Variants in XIRP2 observed in about 807,000 individuals in gnomAD.
XIRP2 encodes the protein xin actin binding repeat containing 2.
In XIRP2, 236 loss-of-function variants were observed where a neutral mutation model predicts 277.0. The ratio of observed to expected loss-of-function variants is 0.85; its 90% CI spans 0.77 to 0.95. The LOEUF (loss-of-function observed/expected upper bound fraction) is 0.95. Among genes scored for constraint, XIRP2 ranks in the 40% least tolerant of loss-of-function variants. The pLI is 0.00. For missense variants in XIRP2, 4,640 were observed against 4,157.5 expected, an observed-to-expected ratio of 1.12 and a Z score of -3.19; for synonymous variants, 1,490 against 1,416.5, an observed-to-expected ratio of 1.05 and a Z score of -1.17.
At chr2:167,010,364 A>C (rs1687635254) in intron 2 of XIRP2, among the ~76,000 whole-genome samples, 1 of 151,726 alleles carries the variant, frequency 6.6e-6, no homozygotes, top group Non-Finnish European at 1.5e-5. Context: ...AGGTTTGTCA[A>C]AGATCAGATA....
intron 2 of XIRP2, among the ~76,000 whole-genome samples, chr2:167,071,700 A>G (rs918255957): frequency 6.6e-6 from 1 of 152,202 alleles, no homozygotes; most frequent in Admixed American, 6.5e-5. Flanking sequence ...AAACCAAAAC[A>G]TGAGAACTAT....
rs967437448 is a variant in XIRP2, at chr2:167,258,575, A to G, written c.*758A>G. On this transcript the variant is annotated 3_prime_UTR_variant, in exon 11 of 11. Transcript: ENST00000409195. The stretch of plus-strand genomic sequence containing the variant: ...TGCTGAAAAGGAGAAAAATGAAAAA[A>G]CTAACCAAACTAATGGTGCAGAAGT... 17 of 1,613,084 alleles carry G rather than the reference A, an allele frequency of 1.1e-5. No homozygotes were observed. The highest frequency in any genetic ancestry group is 1.4e-5 in the Non-Finnish European group (16 of 1,179,534).
chr2:166,995,984 C>T (rs763710593), intron 2 of XIRP2, among the ~76,000 whole-genome samples: 2 of 152,182 alleles, frequency 1.3e-5, no homozygotes, highest in African/African-American at 2.4e-5. Flanking sequence ...GACAGCTCCT[C>T]TCCTCTTTTT....
intron 2 of XIRP2, among the ~76,000 whole-genome samples, chr2:166,999,835 G>T (rs1217741508): frequency 1.3e-5 from 2 of 152,022 alleles, no homozygotes; most frequent in Non-Finnish European, 2.9e-5. Context: ...GTGTAATTTT[G>T]TATAGAAAGG....
In XIRP2 at chr2:167,247,895, T is replaced by C; in HGVS notation, c.6503T>C (p.Val2168Ala). ...SSKPSPTQHPVSMPVGGTYDL... is the reference protein window; with the variant it reads ...SSKPSPTQHPASMPVGGTYDL... ...AAGCCCAGTCCCACCCAGCATCCAG[T>C]CAGCATGCCAGTTGGAGGAACTTAC... The change falls in exon 9 of 11, where the codon GTC (valine) becomes GCC (alanine). Residue 2168 changes from valine to alanine, a missense_variant. Coordinates refer to ENST00000409195, the MANE Select transcript of XIRP2 (RefSeq NM_152381.6). 1 of 1,613,446 alleles carries C rather than the reference T, an allele frequency of 6.2e-7. No homozygotes were observed. The highest frequency in any genetic ancestry group is 8.5e-7 in the Non-Finnish European group (1 of 1,179,744).
At chr2:167,019,075 T>A (rs907418155) in intron 2 of XIRP2, among the ~76,000 whole-genome samples, 5 of 151,956 alleles carry the variant, frequency 3.3e-5, no homozygotes, top group African/African-American at 1.2e-4. Context: ...TCTAGTTAGG[T>A]TAGATGCTGA....
intron 3 of XIRP2, among the ~76,000 whole-genome samples, chr2:167,202,555 A>T (rs894435588): frequency 4.6e-5 from 7 of 152,218 alleles, no homozygotes; most frequent in African/African-American, 1.7e-4. Context: ...TTTTTGGGAC[A>T]TAAAGAGTAA....
chr2:167,025,637 A>G (rs1018361725), intron 2 of XIRP2, among the ~76,000 whole-genome samples: 15 of 151,918 alleles, frequency 9.9e-5, no homozygotes, highest in African/African-American at 3.4e-4. Context: ...TGTGTCCCAG[A>G]GATTCTGGTA....
intron 3 of XIRP2, among the ~76,000 whole-genome samples, chr2:167,152,507 T>C (rs532703116): frequency 1.3e-5 from 2 of 152,246 alleles, no homozygotes; most frequent in South Asian, 4.2e-4. Context: ...AATCCACTTG[T>C]ATGCTTTACT....
At chr2:167,020,254 C>A (rs1374717999) in intron 2 of XIRP2, among the ~76,000 whole-genome samples, 1 of 151,726 alleles carries the variant, frequency 6.6e-6, no homozygotes, top group Non-Finnish European at 1.5e-5. Flanking sequence ...ATCTTTCAGG[C>A]CAAAGTTTAT....
chr2:166,908,423 G>A (rs149254568), intron 2 of XIRP2, among the ~76,000 whole-genome samples: 5,380 of 152,266 alleles, frequency 0.035, 148 homozygotes, highest in Non-Finnish European at 0.056. Flanking sequence ...CTTTTGAGAA[G>A]TGCCTGTTCA....
In XIRP2 at chr2:167,160,065, A is replaced by G. The variant is rs186346928; in HGVS notation, c.562+24003A>G. Among the ~76,000 whole-genome samples the G allele has an allele frequency of 2.0e-3, 310 of 152,284 alleles. 1 individual carries two copies. The highest frequency in any genetic ancestry group is 3.8e-3 in the Non-Finnish European group (261 of 68,008). ...CAAGCTAAGTATTTCTTATTCATAT[A>G]TATAGGCAAAAAAAATAAGATATTG... On this transcript the variant is annotated intron_variant, in intron 3 of 10. Coordinates refer to ENST00000409195, the MANE Select transcript of XIRP2 (RefSeq NM_152381.6).
At chr2:167,237,130 C>T (rs1694923223) in intron 5 of XIRP2, among the ~76,000 whole-genome samples, 1 of 152,090 alleles carries the variant, frequency 6.6e-6, no homozygotes, top group South Asian at 2.1e-4. Context: ...AAACTTACGA[C>T]TTTAAACAAA....
At chr2:167,203,719 T>C (rs1049367150) in intron 3 of XIRP2, among the ~76,000 whole-genome samples, 1 of 152,250 alleles carries the variant, frequency 6.6e-6, no homozygotes, top group Non-Finnish European at 1.5e-5. Context: ...AAAACTCAAA[T>C]TGATTACAAA....
Position 167,251,266 on chromosome 2 carries a change from G to T in XIRP2, c.9874G>T (p.Ala3292Ser). ...HMVPDTESYDAVEIIRKVAVP... is the reference protein window; with the variant it reads ...HMVPDTESYDSVEIIRKVAVP... ...GGTGCCCGACACTGAAAGTTATGAT[G>T]CAGTTGAAATCATCCGCAAGGTTGC... Residue 3292 changes from alanine to serine, a missense_variant, in exon 9 of 11, where the codon GCA (alanine) becomes TCA (serine). Ala to Ser is a moderately conservative substitution (Grantham distance 99). Transcript: ENST00000409195. 6.2e-7 allele frequency: 1 copy of T among 1,613,570 alleles called. No homozygotes were observed. Among genetic ancestry groups the T allele is most frequent in the Non-Finnish European group, 8.5e-7 (1 of 1,179,676 alleles).
chr2:167,217,878 T>C (rs536279004), intron 4 of XIRP2, among the ~76,000 whole-genome samples: 2 of 152,148 alleles, frequency 1.3e-5, no homozygotes, highest in Admixed American at 1.3e-4. Context: ...CCGTGCAATC[T>C]AATAGGTCTT....
At chr2:166,939,523 A>G (rs1391970401) in intron 2 of XIRP2, among the ~76,000 whole-genome samples, 1 of 151,692 alleles carries the variant, frequency 6.6e-6, no homozygotes, top group Admixed American at 6.6e-5. Context: ...TACTAAAAAT[A>G]CAAAAAATTA....
At chr2:166,907,208 C>T (rs955963781) in intron 2 of XIRP2, among the ~76,000 whole-genome samples, 2 of 152,068 alleles carry the variant, frequency 1.3e-5, no homozygotes, top group Non-Finnish European at 2.9e-5. Flanking sequence ...GATACAAATT[C>T]GTGTAAGCAT....
intron 2 of XIRP2, among the ~76,000 whole-genome samples, chr2:166,985,331 A>G (rs1686973972): frequency 6.6e-6 from 1 of 152,218 alleles, no homozygotes; most frequent in African/African-American, 2.4e-5. Flanking sequence ...ATCTGCTCAA[A>G]CATGCCATTG....
Sources: allele counts gnomAD v4.1 joint callset (sites outside exome capture counted in the v4.1 genomes callset), GRCh38; gene constraint gnomAD v4.1.1; transcripts MANE v1.5; gene names NCBI Gene and HGNC (gene_info 2026-07-23, HGNC 2026-07-21).